MAGI2: variants seen among roughly 807,000 people sequenced by gnomAD.
MAGI2 encodes membrane-associated guanylate kinase, WW and PDZ domain-containing protein 2.
In MAGI2, 35 loss-of-function variants were observed where a neutral mutation model predicts 133.3. The observed-to-expected ratio is 0.26, with a 90% CI of 0.20 to 0.35. MAGI2 has a LOEUF of 0.35. MAGI2 is among the 10% of genes least tolerant of loss of function. The pLI, the probability that MAGI2 is intolerant of heterozygous loss-of-function variation, is 1.00. For synonymous variants in MAGI2, 729 were observed against 710.6 expected, an observed-to-expected ratio of 1.03 and a Z score of -0.41; for missense variants, 1,636 against 1,863.4, an observed-to-expected ratio of 0.88 and a Z score of 2.25.
intron 4 of MAGI2, among the ~76,000 whole-genome samples, chr7:78,512,071 G>A (rs186156719): frequency 1.3e-5 from 2 of 151,608 alleles, no homozygotes; most frequent in Admixed American, 6.6e-5. Flanking sequence ...TGCGGTGAGC[G>A]GAGATCGTGC....
At chr7:78,829,665 T>C (rs935336452) in intron 2 of MAGI2, among the ~76,000 whole-genome samples, 1 of 152,096 alleles carries the variant, frequency 6.6e-6, no homozygotes, top group Non-Finnish European at 1.5e-5. Flanking sequence ...ATCGGTCTCT[T>C]GTTTTAAAAT....
chr7:79,211,664 TTA>T (rs1213459716), intron 1 of MAGI2, among the ~76,000 whole-genome samples: 3 of 151,926 alleles, frequency 2.0e-5, no homozygotes, highest in Non-Finnish European at 4.4e-5. Flanking sequence ...CTTATTTTCC[TTA>T]TGTTTTATTT....
chr7:79,214,096 A>C (rs1175140796), intron 1 of MAGI2, among the ~76,000 whole-genome samples: 1 of 151,916 alleles, frequency 6.6e-6, no homozygotes, highest in Non-Finnish European at 1.5e-5. Context: ...TTAAGACCCA[A>C]AGTATAATGT....
At chr7:78,226,287 TCAGAGAGTGA>T (rs1234732972) in intron 10 of MAGI2, among the ~76,000 whole-genome samples, 1 of 148,788 alleles carries the variant, frequency 6.7e-6, no homozygotes, top group Admixed American at 6.7e-5. Flanking sequence ...TAACTGAATG[TCAGAGAGTGA>T]CTGCAGAAAG....
intron 2 of MAGI2, among the ~76,000 whole-genome samples, chr7:78,965,602 A>C (rs1314274436): frequency 1.3e-5 from 2 of 152,016 alleles, no homozygotes; most frequent in Non-Finnish European, 2.9e-5. Context: ...TATTTTATCT[A>C]CAAACACAGA....
At chr7:78,712,627 G>A (rs180774743) in intron 2 of MAGI2, among the ~76,000 whole-genome samples, 9 of 152,222 alleles carry the variant, frequency 5.9e-5, no homozygotes, top group African/African-American at 1.9e-4. Flanking sequence ...ATATACAAAA[G>A]AGTAAAGGGC....
intron 1 of MAGI2, among the ~76,000 whole-genome samples, chr7:79,291,002 A>C (rs1836435842): frequency 6.6e-6 from 1 of 152,080 alleles, no homozygotes; most frequent in Non-Finnish European, 1.5e-5. Flanking sequence ...TTGTGGAGCT[A>C]TCACTATGAA....
chr7:78,529,567 C>T (rs1207937753), intron 3 of MAGI2, among the ~76,000 whole-genome samples: 1 of 150,986 alleles, frequency 6.6e-6, no homozygotes, highest in African/African-American at 2.4e-5. Context: ...CTTAGAATAG[C>T]ACTATCTAGT....
chr7:78,926,908 A>C (rs1435923047), intron 2 of MAGI2, among the ~76,000 whole-genome samples: 1 of 151,708 alleles, frequency 6.6e-6, no homozygotes, highest in African/African-American at 2.4e-5. Flanking sequence ...CACTGAGGGG[A>C]AACAGTGAGA....
At chr7:79,324,857 C>A (rs999770403) in intron 1 of MAGI2, among the ~76,000 whole-genome samples, 136 of 150,036 alleles carry the variant, frequency 9.1e-4, no homozygotes, top group Non-Finnish European at 1.7e-3. Flanking sequence ...CTTCAGAGTA[C>A]AACAAAATGC....
At chr7:79,176,617 A>G (rs1000732867) in intron 1 of MAGI2, among the ~76,000 whole-genome samples, 1 of 152,024 alleles carries the variant, frequency 6.6e-6, no homozygotes, top group African/African-American at 2.4e-5. Context: ...ATATAGATAC[A>G]TTAATAAGAA....
intron 9 of MAGI2, among the ~76,000 whole-genome samples, chr7:78,317,919 A>T (rs1787593686): frequency 1.3e-5 from 2 of 152,222 alleles, no homozygotes; most frequent in Non-Finnish European, 2.9e-5. Context: ...AAGGAATAGC[A>T]TCAGCATCAA....
chr7:78,461,029 T>C (rs1043823388), intron 6 of MAGI2, among the ~76,000 whole-genome samples: 2 of 152,216 alleles, frequency 1.3e-5, no homozygotes. Flanking sequence ...CTTTCTTCGT[T>C]CTTTCTAACA....
intron 2 of MAGI2, among the ~76,000 whole-genome samples, chr7:78,875,073 A>T (rs511615): frequency 3.0e-4 from 45 of 151,954 alleles, no homozygotes; most frequent in Non-Finnish European, 5.9e-4. Context: ...GAAGCAAAAA[A>T]GCTGCAGAAA....
At chr7:78,926,300 T>G (rs764094056) in intron 2 of MAGI2, among the ~76,000 whole-genome samples, 2 of 152,050 alleles carry the variant, frequency 1.3e-5, no homozygotes, top group Non-Finnish European at 2.9e-5. Context: ...CAGAACTCCA[T>G]ATAATGCCTA....
intron 1 of MAGI2, among the ~76,000 whole-genome samples, chr7:79,433,834 A>ACCAAACACATCAAAATAT (rs1456673073): frequency 6.6e-6 from 1 of 152,284 alleles, no homozygotes; most frequent in East Asian, 1.9e-4. Context: ...TTGTCTACCA[A>ACCAAACACATCAAAATAT]CCAAACACAT....
chr7:79,374,005 C>T (rs1843218568), intron 1 of MAGI2, among the ~76,000 whole-genome samples: 1 of 151,896 alleles, frequency 6.6e-6, no homozygotes, highest in African/African-American at 2.4e-5. Flanking sequence ...TAAGCTGTAT[C>T]TACTAACTGG....
chr7:79,421,272 A>G (rs1380176571), intron 1 of MAGI2, among the ~76,000 whole-genome samples: 1 of 149,618 alleles, frequency 6.7e-6, no homozygotes, highest in African/African-American at 2.5e-5. Flanking sequence ...TAAGTACCCA[A>G]TAAATATTTA....
rs377195785 is a variant in MAGI2, at chr7:78,961,901, A to C, written c.418+45189T>G. 1.0e-3 allele frequency among the ~76,000 whole-genome samples: 154 copies of C among 152,216 alleles called. No individual in the cohort carries two copies. The Middle Eastern group carries it at 0.014, about 13-fold the overall frequency. On this transcript the variant is annotated intron_variant, in intron 2 of 21. Transcript: ENST00000354212. ...ACCCCTAGGCTATATGGTATAGCCTACTATACCCCTAGGCTATATGGTATA... is the reference window on the plus strand; with the variant it reads ...ACCCCTAGGCTATATGGTATAGCCTCCTATACCCCTAGGCTATATGGTATA...
Sources: allele counts gnomAD v4.1 joint callset (sites outside exome capture counted in the v4.1 genomes callset), GRCh38; gene constraint gnomAD v4.1.1; transcripts MANE v1.5; gene names NCBI Gene and HGNC (gene_info 2026-07-23, HGNC 2026-07-21).